Variants in SPOCD1 observed in about 807,000 individuals in gnomAD.
SPOCD1 encodes SPOC domain-containing protein 1.
In SPOCD1, 64 loss-of-function variants were observed where a neutral mutation model predicts 92.2. The ratio of observed to expected loss-of-function variants is 0.69; its 90% CI spans 0.57 to 0.86. The LOEUF (loss-of-function observed/expected upper bound fraction) is 0.86. Among genes scored for constraint, SPOCD1 ranks in the 40% least tolerant of loss-of-function variants. The pLI, the probability that SPOCD1 is intolerant of heterozygous loss-of-function variation, is 0.00. For synonymous variants in SPOCD1, 578 were observed against 619.3 expected, an observed-to-expected ratio of 0.93 and a Z score of 0.99; for missense variants, 1,360 against 1,543.1, an observed-to-expected ratio of 0.88 and a Z score of 1.99.
At chr1:31,794,436 CCACT>C in intron 10 of SPOCD1, 1 of 470,214 alleles carries the variant, frequency 2.1e-6, no homozygotes. Flanking sequence ...TCTTGTCACA[CCACT>C]CAGAGACCAC....
At chr1:31,810,389 T>G (rs1387713137) in intron 2 of SPOCD1, among the ~76,000 whole-genome samples, 1 of 148,216 alleles carries the variant, frequency 6.7e-6, no homozygotes, top group Non-Finnish European at 1.5e-5. Context: ...GGTCTCACTC[T>G]GTTGCCCAGG....
chr1:31,806,805 G>C (rs1325970803), intron 2 of SPOCD1, among the ~76,000 whole-genome samples: 1 of 152,056 alleles, frequency 6.6e-6, no homozygotes, highest in African/African-American at 2.4e-5. Context: ...CGCCCGCCTA[G>C]GCCTCCTAAA....
intron 2 of SPOCD1, among the ~76,000 whole-genome samples, chr1:31,808,912 C>A (rs1333268370): frequency 6.6e-6 from 1 of 151,976 alleles, no homozygotes. Context: ...AAGCACAAAA[C>A]AGGCCAGGCC....
chr1:31,802,858 G>C (rs963625016), intron 2 of SPOCD1, among the ~76,000 whole-genome samples: 3 of 152,146 alleles, frequency 2.0e-5, no homozygotes, highest in African/African-American at 7.2e-5. Flanking sequence ...AAATATCACA[G>C]GAAGTATCTG....
In SPOCD1 at chr1:31,793,823, C is replaced by A; in HGVS notation, c.2458G>T (p.Ala820Ser). 6.2e-7 allele frequency: 1 copy of A among 1,614,210 alleles called. No homozygotes were observed. Among genetic ancestry groups the A allele is most frequent in the Non-Finnish European group, 8.5e-7 (1 of 1,180,038 alleles). Residue 820 changes from alanine (A) to serine (S), a missense_variant, in exon 12 of 16, where the codon GCC becomes TCC. By Grantham distance (99) the Ala-to-Ser change is moderately conservative (BLOSUM62 1). Around this residue, in one of 3 missense-constraint regions of SPOCD1, gnomAD observed 614 missense variants for 757.8 expected, o/e 0.81. Coordinates refer to ENST00000360482, the MANE Select transcript of SPOCD1 (RefSeq NM_144569.7). Reference sequence around the variant, plus strand: ...GCAGGCATAGGAGTTTGGCTTAGGGCTTTCTGGAAGATATTGTCCCCGCAG... The same window carrying A: ...GCAGGCATAGGAGTTTGGCTTAGGGATTTCTGGAAGATATTGTCCCCGCAG... Reference protein sequence around the residue: ...KSCGDNIFQKALSQTPMPAPE... With the variant: ...KSCGDNIFQKSLSQTPMPAPE...
chr1:31,799,960 C>T lies in SPOCD1; in HGVS notation c.1728+56G>A, dbSNP rs1367694177. The T allele has an allele frequency of 3.1e-6, 5 of 1,611,068 alleles. No homozygotes were observed. In the African/African-American group the frequency reaches 6.7e-5, roughly 22 times the overall value. On this transcript the variant is annotated intron_variant, in intron 5 of 15. Transcript: ENST00000360482. ...TCTAGTCACCTCCCCACTCCCACGTCCTCCCTGACCCATGCTCCAGTGAAG... is the reference window on the plus strand; with the variant it reads ...TCTAGTCACCTCCCCACTCCCACGTTCTCCCTGACCCATGCTCCAGTGAAG...
At chr1:31,796,361 C>G (rs1004865932) in intron 10 of SPOCD1, 3 of 649,192 alleles carry the variant, frequency 4.6e-6, no homozygotes, top group Non-Finnish European at 8.0e-6. Context: ...TGGGGTGAGG[C>G]CAAAAGGAGG....
intron 2 of SPOCD1, among the ~76,000 whole-genome samples, chr1:31,803,042 T>G (rs115509486): frequency 1.9e-5 from 1 of 52,526 alleles, no homozygotes. Context: ...GGGAAGAATA[T>G]CAAGACCAGC....
At position 31,801,685 on chromosome 1, in the gene SPOCD1, A is replaced by T. The variant is rs747830418; in HGVS notation, c.1404T>A (p.His468Gln). The T allele has an allele frequency of 6.2e-7, 1 of 1,613,928 alleles. No individual in the cohort carries two copies. The change falls in exon 3 of 16, where the codon CAT becomes CAA. Residue 468 changes from histidine (H) to glutamine (Q), a missense_variant. His to Gln is a conservative substitution (Grantham distance 24). Coordinates refer to ENST00000360482, the MANE Select transcript of SPOCD1 (RefSeq NM_144569.7). ...CPRLEEVKIP[H>Q]GVKLVCYLGS... Reference sequence around the variant, plus strand: ...CTACGTAGCACACAAGCTTCACTCCATGGGGTATTTTCACTTCCTCCTTGG... The same window carrying T: ...CTACGTAGCACACAAGCTTCACTCCTTGGGGTATTTTCACTTCCTCCTTGG...
chr1:31,793,658 G>C, intron 12 of SPOCD1, 89 bp downstream of exon 12: 1 of 1,605,214 alleles, frequency 6.2e-7, no homozygotes, highest in Non-Finnish European at 8.5e-7. Context: ...GGCCACACAG[G>C]AAAAGCCAGT....
chr1:31,793,400 C>A lies in SPOCD1; in HGVS notation c.2563G>T (p.Ala855Ser). The A allele has an allele frequency of 2.5e-6, 4 of 1,592,718 alleles. No individual in the cohort carries two copies. The highest frequency in any genetic ancestry group is 1.8e-5 in the Admixed American group (1 of 56,630). The part of the protein sequence containing the change: ...RVPPSGLHVP[A>S]APTKALPCLP... ...CAGGGCAGGGCCTTTGTGGGTGCAG[C>A]AGGCACATGGAGCCCAGATGGAGGG... The change falls in exon 13 of 16, where the codon GCT becomes TCT. Residue 855 changes from alanine (A) to serine (S), a missense_variant. Around this residue, in one of 3 missense-constraint regions of SPOCD1, gnomAD observed 614 missense variants for 757.8 expected, o/e 0.81. Transcript: ENST00000360482.
chr1:31,798,352 C>T lies in SPOCD1; in HGVS notation c.2029-29G>A, dbSNP rs1197563908. The T allele has an allele frequency of 1.9e-6, 3 of 1,603,792 alleles. No individual in the cohort carries two copies. The highest frequency in any genetic ancestry group is 1.7e-6 in the Non-Finnish European group (2 of 1,173,708). On this transcript the variant is annotated intron_variant, in intron 8 of 15. Coordinates refer to ENST00000360482, the MANE Select transcript of SPOCD1 (RefSeq NM_144569.7). The surrounding 1 kb of genome is among the most constrained non-coding windows in gnomAD (Gnocchi z 4.1). ...GTGGGGGCAGGGGGCAGGGCTGCAC[C>T]ACACGCTGAAAGAGCTCCCCCACCC...
chr1:31,805,450 G>T (rs1360513337), intron 2 of SPOCD1, among the ~76,000 whole-genome samples: 1 of 152,144 alleles, frequency 6.6e-6, no homozygotes, highest in Admixed American at 6.6e-5. Context: ...AACAGGCCGG[G>T]TGCAGTGGCT....
At chr1:31,805,434 G>A (rs1475887380) in intron 2 of SPOCD1, among the ~76,000 whole-genome samples, 1 of 152,158 alleles carries the variant, frequency 6.6e-6, no homozygotes, top group Non-Finnish European at 1.5e-5. Context: ...CATACGCAAA[G>A]CACAAAACAG....
At position 31,796,694 on chromosome 1, in the gene SPOCD1, G is replaced by A. The variant is rs763432423; in HGVS notation, c.2167C>T (p.Gln723Ter). 1.9e-6 allele frequency: 3 copies of A among 1,614,220 alleles called. No individual in the cohort carries two copies. The highest frequency in any genetic ancestry group is 2.2e-5 in the East Asian group (1 of 44,882). Reference protein sequence around the residue: ...EKRGLNIIEQQQKEPCRLPAS... With the variant: ...EKRGLNIIEQ ...GGAAGTCTGCACGGCTCCTTCTGTT[G>A]CTGCTCAATGATATTCAGGCCCTGA... The change falls in exon 10 of 16, where the codon CAA becomes TAA. Residue 723 changes from glutamine (Q) to a stop codon, truncating the protein, a stop_gained. Coordinates refer to ENST00000360482, the MANE Select transcript of SPOCD1 (RefSeq NM_144569.7). LOFTEE classifies it high-confidence loss of function.
chr1:31,791,351 A>G, intron 15 of SPOCD1, 60 bp from the exon 16 acceptor site: 1 of 1,364,898 alleles, frequency 7.3e-7, no homozygotes, highest in Non-Finnish European at 9.6e-7. Flanking sequence ...CATCCCAGGA[A>G]GGGCTTCTTC....
chr1:31,807,444 G>T, intron 2 of SPOCD1, among the ~76,000 whole-genome samples: 1 of 90,662 alleles, frequency 1.1e-5, no homozygotes, highest in Non-Finnish European at 2.2e-5. Flanking sequence ...GGGAGGGAAG[G>T]GACTTTTAAA....
chr1:31,798,637 C>A lies in SPOCD1; in HGVS notation c.1869-36G>T. ...CAGGGCAGGGCGGGGGCACTGAGCC[C>A]AGGAGGCTCTCCAGGCACTTAGTCC... On this transcript the variant is annotated intron_variant, in intron 7 of 15. Coordinates refer to ENST00000360482, the MANE Select transcript of SPOCD1 (RefSeq NM_144569.7). This position sits in a 1 kb window ranked among gnomAD's most constrained non-coding sequence, Gnocchi z 4.1. The A allele has an allele frequency of 6.3e-7, 1 of 1,598,840 alleles. No individual in the cohort carries two copies. Among genetic ancestry groups the A allele is most frequent in the South Asian group, 1.1e-5 (1 of 89,548 alleles).
chr1:31,791,054 C>T lies in SPOCD1; in HGVS notation c.3200G>A (p.Gly1067Asp), dbSNP rs145880781. The T allele has an allele frequency of 1.9e-5, 31 of 1,612,932 alleles. No homozygotes were observed. The highest frequency in any genetic ancestry group is 1.9e-4 in the African/African-American group (14 of 75,068). ...VPLKGTPPPG[G>D]AWQQSQGRGS... ...CCTGCCCTGGCTCTGCTGCCAGGCA[C>T]CTCCTGGGGGAGGGGTGCCCTTCAG... Residue 1067 changes from glycine to aspartate, a missense_variant, in exon 16 of 16, where the codon GGT (glycine) becomes GAT (aspartate). Physicochemically the swap from Gly to Asp is moderately conservative, Grantham distance 94. Around this residue, in one of 3 missense-constraint regions of SPOCD1, gnomAD observed 614 missense variants for 757.8 expected, o/e 0.81. Transcript: ENST00000360482.
Sources: allele counts gnomAD v4.1 joint callset (sites outside exome capture counted in the v4.1 genomes callset), GRCh38; gene constraint gnomAD v4.1.1; regional missense constraint gnomAD v4.1.1; non-coding constraint Gnocchi (gnomAD v3.1); transcripts MANE v1.5; gene names NCBI Gene and HGNC (gene_info 2026-07-23, HGNC 2026-07-21).